Variants in PDZD2 observed in about 807,000 individuals in gnomAD.
PDZD2 encodes PDZ domain-containing protein 2.
A neutral mutation model predicts 220.7 loss-of-function variants in PDZD2; 90 were observed. The observed-to-expected ratio is 0.41, with a 90% confidence interval of 0.34 to 0.49. PDZD2 has a LOEUF of 0.49. Among genes scored for constraint, PDZD2 ranks in the 20% least tolerant of loss-of-function variants. The pLI, the probability that PDZD2 is intolerant of heterozygous loss-of-function variation, is 0.28. For missense variants in PDZD2, 3,174 were observed against 3,608.5 expected (o/e 0.88, Z 3.08); for synonymous variants, 1,375 against 1,450.5 (o/e 0.95, Z 1.18).
chr5:31,734,199 G>A (rs548311400), intron 1 of PDZD2, among the ~76,000 whole-genome samples: 1 of 152,180 alleles, frequency 6.6e-6, no homozygotes, highest in East Asian at 1.9e-4. Flanking sequence ...CATAGGGCGA[G>A]GTATGGGGGA....
intron 1 of PDZD2, among the ~76,000 whole-genome samples, chr5:31,771,803 A>T (rs1752353063): frequency 6.6e-6 from 1 of 152,214 alleles, no homozygotes; most frequent in Admixed American, 6.5e-5. Context: ...GGATGTAGTT[A>T]GTGGGCAGGC....
intron 1 of PDZD2, among the ~76,000 whole-genome samples, chr5:31,707,655 C>A (rs1747894152): frequency 6.6e-6 from 1 of 151,900 alleles, no homozygotes; most frequent in South Asian, 2.1e-4. Context: ...TTTATCGGGG[C>A]CTCACTCTGT....
chr5:32,062,527 G>A lies in PDZD2; in HGVS notation c.2451+1393G>A, dbSNP rs535706856. Reference sequence around the variant, plus strand: ...TCCCACCTCAGCCTCCAGAGTAGCTGGGACCATGGGTGCGTGCCAATACAC... The same window carrying A: ...TCCCACCTCAGCCTCCAGAGTAGCTAGGACCATGGGTGCGTGCCAATACAC... On this transcript the variant is annotated intron_variant, in intron 14 of 24. Coordinates refer to ENST00000438447, the MANE Select transcript of PDZD2 (RefSeq NM_178140.4). Among the ~76,000 whole-genome samples, 3 of 151,892 alleles carry A rather than the reference G, an allele frequency of 2.0e-5. No homozygotes were observed. The South Asian group carries it at 6.3e-4, about 32-fold the overall frequency.
At chr5:31,921,700 T>A (rs564859764) in intron 2 of PDZD2, among the ~76,000 whole-genome samples, 33 of 150,420 alleles carry the variant, frequency 2.2e-4, no homozygotes, top group African/African-American at 4.6e-4. Context: ...AAAAAAAAAA[T>A]TTTTTTTTTG....
intron 2 of PDZD2, among the ~76,000 whole-genome samples, chr5:31,865,521 A>C (rs561653851): frequency 2.8e-4 from 42 of 150,260 alleles, no homozygotes; most frequent in African/African-American, 8.8e-4. Context: ...TGTGTTGCCC[A>C]GGCTGGTCAT....
At chr5:32,104,209 T>G (rs1393251121) in intron 24 of PDZD2, among the ~76,000 whole-genome samples, 2 of 152,120 alleles carry the variant, frequency 1.3e-5, no homozygotes, top group Non-Finnish European at 2.9e-5. Flanking sequence ...GGATTCACCT[T>G]ATCTCGTATT....
chr5:31,727,805 C>T (rs533709864), intron 1 of PDZD2, among the ~76,000 whole-genome samples: 87 of 151,592 alleles, frequency 5.7e-4, no homozygotes, highest in Non-Finnish European at 1.0e-3. Flanking sequence ...GATGCGAGAC[C>T]GTCTTGGCTA....
At chr5:31,662,801 T>G (rs1323255461) in intron 1 of PDZD2, among the ~76,000 whole-genome samples, 2 of 152,156 alleles carry the variant, frequency 1.3e-5, no homozygotes, top group Non-Finnish European at 2.9e-5. Flanking sequence ...AGCTAATTTT[T>G]TTGCATTTTT....
intron 1 of PDZD2, among the ~76,000 whole-genome samples, chr5:31,693,582 T>C (rs1312933600): frequency 6.6e-6 from 1 of 151,926 alleles, no homozygotes; most frequent in Non-Finnish European, 1.5e-5. Context: ...TGATGAAGCT[T>C]TGGGGCTGTA....
rs777690037 is a variant in PDZD2 at position 32,090,315 on chromosome 5, T to C, written c.6867T>C (p.Asn2289=). Residue 2289 remains asparagine (N), a synonymous_variant, in exon 20 of 25, where the codon AAT becomes AAC. Coordinates refer to ENST00000438447, the MANE Select transcript of PDZD2 (RefSeq NM_178140.4). This position sits in a 1 kb window ranked among gnomAD's most constrained non-coding sequence, Gnocchi z 4.3. ...SVKPLLDTSR[N]LPATDEGDII... is the part of the protein sequence containing the mutation. ...AGCCGCTGCTGGACACATCGAGGAA[T>C]CTTCCAGCCACAGATGAAGGGGATA... is the stretch of plus-strand genomic sequence containing the variant. The C allele has an allele frequency of 3.1e-6, 5 of 1,614,160 alleles. No individual in the cohort carries two copies. Among genetic ancestry groups the C allele is most frequent in the Non-Finnish European group, 3.4e-6 (4 of 1,180,006 alleles).
At chr5:32,042,441 C>T (rs1756274583) in intron 7 of PDZD2, among the ~76,000 whole-genome samples, 1 of 151,366 alleles carries the variant, frequency 6.6e-6, no homozygotes, top group Non-Finnish European at 1.5e-5. Context: ...GGTGTGGTGG[C>T]ATGCGCCTAT....
chr5:32,026,199 C>G (rs1754647523), intron 6 of PDZD2, among the ~76,000 whole-genome samples: 1 of 149,788 alleles, frequency 6.7e-6, no homozygotes, highest in African/African-American at 2.5e-5. Context: ...TGCAGTGGCA[C>G]AATCTTGGCT....
intron 1 of PDZD2, among the ~76,000 whole-genome samples, chr5:31,713,171 G>A (rs1310665152): frequency 2.6e-5 from 4 of 152,222 alleles, no homozygotes; most frequent in Non-Finnish European, 1.5e-5. Context: ...GGTCTCACCA[G>A]AAGGGAGACA....
chr5:32,101,991 T>C (rs1394213704), intron 24 of PDZD2, among the ~76,000 whole-genome samples: 1 of 152,172 alleles, frequency 6.6e-6, no homozygotes, highest in African/African-American at 2.4e-5. Context: ...CAAGGTCAAT[T>C]CTTCTTAGCT....
chr5:32,017,534 G>A (rs1231140773), intron 6 of PDZD2, among the ~76,000 whole-genome samples: 1 of 152,118 alleles, frequency 6.6e-6, no homozygotes, highest in Non-Finnish European at 1.5e-5. Context: ...AAGTCTCTCT[G>A]CTATGCCCTT....
At chr5:31,751,677 G>A (rs1981982) in intron 1 of PDZD2, among the ~76,000 whole-genome samples, 76,836 of 151,926 alleles carry the variant, frequency 0.51, 19,673 homozygotes, top group Admixed American at 0.58. Flanking sequence ...ATTAAATACC[G>A]GGGACATGAG....
intron 6 of PDZD2, among the ~76,000 whole-genome samples, chr5:32,018,198 A>T (rs189080276): frequency 1.3e-5 from 2 of 152,310 alleles, no homozygotes; most frequent in East Asian, 3.9e-4. Context: ...GCTCATGTGC[A>T]CTCTGGAGAG....
intron 2 of PDZD2, among the ~76,000 whole-genome samples, chr5:31,813,585 C>A (rs903154239): frequency 5.9e-5 from 9 of 151,858 alleles, no homozygotes; most frequent in Admixed American, 5.9e-4. Flanking sequence ...TATTTAAGAG[C>A]CTGTTTTGAG....
At chr5:32,019,804 T>G (rs1754054690) in intron 6 of PDZD2, among the ~76,000 whole-genome samples, 1 of 152,180 alleles carries the variant, frequency 6.6e-6, no homozygotes, top group Non-Finnish European at 1.5e-5. Flanking sequence ...TTCTTGGCCC[T>G]GAAGTTAATT....
Sources: gnomAD v4.1 joint callset for allele counts (sites outside exome capture counted in the v4.1 genomes callset) on GRCh38, gnomAD v4.1.1 for gene constraint, Gnocchi (gnomAD v3.1) non-coding constraint, MANE v1.5 for transcripts, NCBI Gene and HGNC (gene_info 2026-07-23, HGNC 2026-07-21) for gene names.